PRR16: variants seen among roughly 807,000 people sequenced by gnomAD.
The protein encoded by PRR16 is protein Largen.
A neutral mutation model predicts 18.2 loss-of-function variants in PRR16; 6 were observed. The observed-to-expected ratio is 0.33, with a 90% CI of 0.18 to 0.65. The LOEUF (loss-of-function observed/expected upper bound fraction) is 0.65. Ranked by LOEUF, PRR16 falls within the 30% of genes least tolerant of loss-of-function variation. PRR16 has a pLI of 0.74. For missense variants in PRR16, 412 were observed against 376.6 expected, an observed-to-expected ratio of 1.09 and a Z score of -0.78; for synonymous variants, 151 against 147.8, an observed-to-expected ratio of 1.02 and a Z score of -0.16.
At chr5:120,481,528 C>A (rs1749618205) in intron 1 of PRR16, among the ~76,000 whole-genome samples, 1 of 152,066 alleles carries the variant, frequency 6.6e-6, no homozygotes, top group African/African-American at 2.4e-5. Context: ...TTATGGAAGT[C>A]TTTGGAAGAG....
At chr5:120,564,460 C>G (rs773430463) in intron 1 of PRR16, among the ~76,000 whole-genome samples, 20 of 151,884 alleles carry the variant, frequency 1.3e-4, no homozygotes, top group Non-Finnish European at 2.6e-4. Flanking sequence ...TCCCCTCTAG[C>G]TAGGTCTGGT....
chr5:120,674,662 G>A (rs966683494), intron 1 of PRR16, among the ~76,000 whole-genome samples: 1 of 151,854 alleles, frequency 6.6e-6, no homozygotes, highest in Non-Finnish European at 1.5e-5. Context: ...AGCTGCATTT[G>A]TGTTGTCAAC....
At chr5:120,777,321 C>T in the PRR16 span, among the ~76,000 whole-genome samples, 1 of 151,988 alleles carries the variant, frequency 6.6e-6, no homozygotes, top group Non-Finnish European at 1.5e-5. Flanking sequence ...GTTAAATACG[C>T]TTATTACTTA....
At chr5:120,694,931 A>C in the PRR16 span, among the ~76,000 whole-genome samples, 1 of 152,252 alleles carries the variant, frequency 6.6e-6, no homozygotes, top group Admixed American at 6.5e-5. Context: ...TTAAAACTTA[A>C]TTTTTCAGTG....
intron 1 of PRR16, among the ~76,000 whole-genome samples, chr5:120,553,970 T>C (rs1383090486): frequency 6.6e-6 from 1 of 151,964 alleles, no homozygotes; most frequent in East Asian, 1.9e-4. Flanking sequence ...CAGTAAATTC[T>C]GTTTTGTTTT....
At chr5:120,621,237 A>G (rs1561578086) in intron 1 of PRR16, among the ~76,000 whole-genome samples, 2 of 151,912 alleles carry the variant, frequency 1.3e-5, no homozygotes, top group African/African-American at 2.4e-5. Context: ...AATAAGGGGG[A>G]TTTTTTTGAA....
the PRR16 span, among the ~76,000 whole-genome samples, chr5:120,761,514 CTAGT>C: frequency 6.6e-6 from 1 of 152,012 alleles, no homozygotes; most frequent in African/African-American, 2.4e-5. Flanking sequence ...TTTAGATCTA[CTAGT>C]TAGAGGTTGC....
chr5:120,528,115 C>G (rs1295264328), intron 1 of PRR16, among the ~76,000 whole-genome samples: 1 of 152,164 alleles, frequency 6.6e-6, no homozygotes, highest in African/African-American at 2.4e-5. Context: ...TGTTGAACAT[C>G]TTATGATCCT....
In PRR16 at chr5:120,492,690, A is replaced by G. The variant is rs551383827; in HGVS notation, c.159+28045A>G. Among the ~76,000 whole-genome samples the G allele has an allele frequency of 3.3e-5, 5 of 152,204 alleles. No individual in the cohort carries two copies. The South Asian group carries it at 8.3e-4, about 25-fold the overall frequency. ...ACCTGAGCAGTGTACACCGTACCCA[A>G]TGTAGTCTTTTATCCCTGCCCCTTG... On this transcript the variant is annotated intron_variant, in intron 1 of 1. Transcript: ENST00000407149.
intron 1 of PRR16, among the ~76,000 whole-genome samples, chr5:120,571,267 T>C (rs1389741602): frequency 1.3e-5 from 2 of 152,114 alleles, no homozygotes; most frequent in Non-Finnish European, 2.9e-5. Context: ...AGATGCAGTG[T>C]GTTTATGAGT....
At chr5:120,508,312 C>T (rs1750711001) in intron 1 of PRR16, among the ~76,000 whole-genome samples, 1 of 152,062 alleles carries the variant, frequency 6.6e-6, no homozygotes, top group Non-Finnish European at 1.5e-5. Flanking sequence ...TCCTGGATTG[C>T]TTGAAATTTG....
chr5:120,736,754 CTTT>C, the PRR16 span, among the ~76,000 whole-genome samples: 1 of 151,860 alleles, frequency 6.6e-6, no homozygotes, highest in Non-Finnish European at 1.5e-5. Context: ...TGTGTGTCTT[CTTT>C]AATTTCCTTC....
the PRR16 span, among the ~76,000 whole-genome samples, chr5:120,699,452 T>C: frequency 0.018 from 2,684 of 152,082 alleles, 80 homozygotes; most frequent in African/African-American, 0.059. Flanking sequence ...GTGGTATCAG[T>C]AATAATGTGG....
chr5:120,600,691 C>A (rs1433950069), intron 1 of PRR16, among the ~76,000 whole-genome samples: 2 of 151,794 alleles, frequency 1.3e-5, no homozygotes, highest in Non-Finnish European at 1.5e-5. Context: ...GAGCCTGGTG[C>A]CTTATAGGTA....
the PRR16 span, among the ~76,000 whole-genome samples, chr5:120,744,463 T>G: frequency 6.6e-6 from 1 of 152,200 alleles, no homozygotes; most frequent in East Asian, 1.9e-4. Flanking sequence ...TTTTCTTTCC[T>G]GCATATGCTC....
chr5:120,481,100 AT>A (rs1247925539), intron 1 of PRR16: 1 of 1,180,300 alleles, frequency 8.5e-7, no homozygotes, highest in African/African-American at 1.6e-5. Context: ...ATATTTGTGA[AT>A]TTTCAAATTA....
chr5:120,638,629 G>A (rs927925919), intron 1 of PRR16, among the ~76,000 whole-genome samples: 22 of 152,076 alleles, frequency 1.4e-4, no homozygotes, highest in African/African-American at 4.6e-4. Flanking sequence ...CTGCAGCCTG[G>A]CTCCACAGTC....
chr5:120,730,024 C>G, the PRR16 span, among the ~76,000 whole-genome samples: 1 of 152,208 alleles, frequency 6.6e-6, no homozygotes, highest in African/African-American at 2.4e-5. Flanking sequence ...TCCCATTTCT[C>G]TCCCCTAATC....
chr5:120,761,048 A>G, the PRR16 span, among the ~76,000 whole-genome samples: 1 of 152,140 alleles, frequency 6.6e-6, no homozygotes, highest in Non-Finnish European at 1.5e-5. Flanking sequence ...TTAATGGGAT[A>G]AAATATTAAG....
Sources: allele counts gnomAD v4.1 joint callset (sites outside exome capture counted in the v4.1 genomes callset), GRCh38; gene constraint gnomAD v4.1.1; transcripts MANE v1.5; gene names NCBI Gene and HGNC (gene_info 2026-07-23, HGNC 2026-07-21).